Variants in NCK1 observed in about 807,000 individuals in gnomAD.
The protein encoded by NCK1 is SH2/SH3 adapter protein NCK1.
NCK1 carries 19 observed loss-of-function variants against 36.6 expected under a neutral mutation model. The observed-to-expected ratio is 0.52, with a 90% CI of 0.36 to 0.76. The LOEUF (loss-of-function observed/expected upper bound fraction) is 0.76. NCK1 is among the 30% of genes least tolerant of loss of function. The pLI is 0.00. For missense variants in NCK1, 358 were observed against 445.6 expected (o/e 0.80, Z 1.77); for synonymous variants, 165 against 156.0 (o/e 1.06, Z -0.43).
At position 136,949,987 on chromosome 3, in the gene NCK1, T is replaced by G. The variant is rs1368548150; in HGVS notation, c.*1534T>G. On this transcript the variant is annotated 3_prime_UTR_variant, in exon 4 of 4. Coordinates refer to ENST00000481752, the MANE Select transcript of NCK1 (RefSeq NM_001291999.2). ...GACAAATTTTCATCTCTATTACATC[T>G]GCTTTTAAAACATTTTAGTTCATAT... 6.6e-6 allele frequency among the ~76,000 whole-genome samples: 1 copy of G among 152,114 alleles called. No individual in the cohort carries two copies. Among genetic ancestry groups the G allele is most frequent in the Non-Finnish European group, 1.5e-5 (1 of 67,938 alleles).
chr3:136,891,482 A>G (rs1370364619), intron 1 of NCK1, among the ~76,000 whole-genome samples: 1 of 152,224 alleles, frequency 6.6e-6, no homozygotes, highest in Non-Finnish European at 1.5e-5. Context: ...GTTGTGAATA[A>G]TGCCAATATG....
chr3:136,904,664 C>G (rs780739461), intron 1 of NCK1, among the ~76,000 whole-genome samples: 2 of 152,142 alleles, frequency 1.3e-5, no homozygotes, highest in Non-Finnish European at 2.9e-5. Flanking sequence ...TGAGAGATCC[C>G]TGAACTTGGT....
At chr3:136,934,194 G>T (rs369810148) in intron 2 of NCK1, among the ~76,000 whole-genome samples, 53 of 145,906 alleles carry the variant, frequency 3.6e-4, no homozygotes, top group African/African-American at 1.1e-3. Flanking sequence ...GATACTGGAG[G>T]TTTTTTTTTT....
intron 1 of NCK1, among the ~76,000 whole-genome samples, chr3:136,865,434 GTACTTT>G (rs778189290): frequency 7.9e-5 from 12 of 152,020 alleles, no homozygotes; most frequent in South Asian, 2.1e-4. Flanking sequence ...TCATTGCTTT[GTACTTT>G]TACTTTGTCT....
At position 136,951,333 on chromosome 3, in the gene NCK1, G is replaced by C. The variant is rs903386363; in HGVS notation, c.*2880G>C. On this transcript the variant is annotated 3_prime_UTR_variant, in exon 4 of 4. Transcript: ENST00000481752. ...CTTGTTGCTGGGGTACCTTCTTCAG[G>C]GTACATCTAAACACAGTGGCCTTAT... is the stretch of plus-strand genomic sequence containing the variant. 6.6e-6 allele frequency among the ~76,000 whole-genome samples: 1 copy of C among 151,988 alleles called. No individual in the cohort carries two copies. Among genetic ancestry groups the C allele is most frequent in the Non-Finnish European group, 1.5e-5 (1 of 67,970 alleles).
At chr3:136,928,726 T>G (rs1940312886) in intron 2 of NCK1, 1 of 153,422 alleles carries the variant, frequency 6.5e-6, no homozygotes, top group South Asian at 2.0e-4. Flanking sequence ...CTTTTTCCCT[T>G]TATTTCTCCA....
intron 1 of NCK1, among the ~76,000 whole-genome samples, chr3:136,916,946 T>A (rs1368982058): frequency 1.3e-5 from 2 of 152,186 alleles, no homozygotes; most frequent in Non-Finnish European, 2.9e-5. Flanking sequence ...GGAAATTAAA[T>A]ATATTATAAG....
At chr3:136,928,430 TG>T in intron 2 of NCK1, 1 of 566,392 alleles carries the variant, frequency 1.8e-6, no homozygotes, top group East Asian at 2.9e-5. Context: ...TCTAGGCCCA[TG>T]CTCCAAGTCA....
At chr3:136,939,704 A>C (rs1373013310) in intron 2 of NCK1, among the ~76,000 whole-genome samples, 1 of 151,796 alleles carries the variant, frequency 6.6e-6, no homozygotes, top group Non-Finnish European at 1.5e-5. Flanking sequence ...TTGGTGACCT[A>C]TTGGTTTAAG....
intron 1 of NCK1, among the ~76,000 whole-genome samples, chr3:136,889,950 C>T (rs1015898261): frequency 1.1e-4 from 17 of 152,208 alleles, no homozygotes; most frequent in South Asian, 6.2e-4. Context: ...CAGTGGATCC[C>T]GCACAGGGGT....
At chr3:136,914,932 A>T (rs1438237811) in intron 1 of NCK1, among the ~76,000 whole-genome samples, 2 of 152,084 alleles carry the variant, frequency 1.3e-5, no homozygotes, top group African/African-American at 4.8e-5. Flanking sequence ...GCCAGTTGTT[A>T]AAAAGAGCCT....
At chr3:136,912,786 G>T (rs560124156) in intron 1 of NCK1, among the ~76,000 whole-genome samples, 19 of 152,072 alleles carry the variant, frequency 1.2e-4, no homozygotes, top group Non-Finnish European at 2.4e-4. Context: ...TTCCTGAGTA[G>T]CTGGAACTAC....
intron 1 of NCK1, chr3:136,900,023 G>A: frequency 1.6e-6 from 1 of 630,480 alleles, no homozygotes; most frequent in South Asian, 1.7e-5. Flanking sequence ...CACTGTCAGA[G>A]TCGCCAAACT....
At chr3:136,897,870 A>C (rs1453057021) in intron 1 of NCK1, among the ~76,000 whole-genome samples, 1 of 152,202 alleles carries the variant, frequency 6.6e-6, no homozygotes, top group Non-Finnish European at 1.5e-5. Context: ...ATAAATATAA[A>C]ATATTGATTA....
At chr3:136,899,096 G>A (rs878963262) in intron 1 of NCK1, 1 of 169,932 alleles carries the variant, frequency 5.9e-6, no homozygotes, top group African/African-American at 2.4e-5. Context: ...GGATGCAAAG[G>A]TTTAACTGGT....
rs192395053 is a variant in NCK1, at chr3:136,932,721, T to G, written c.226+4494T>G. Reference sequence around the variant, plus strand: ...GATCCTGGAAAGTCCCTTCTAACTCTAAAAGTCTTACATCCTGGTAAACAA... The same window carrying G: ...GATCCTGGAAAGTCCCTTCTAACTCGAAAAGTCTTACATCCTGGTAAACAA... On this transcript the variant is annotated intron_variant, in intron 2 of 3. Coordinates refer to ENST00000481752, the MANE Select transcript of NCK1 (RefSeq NM_001291999.2). 3.0e-4 allele frequency among the ~76,000 whole-genome samples: 46 copies of G among 152,326 alleles called. No individual in the cohort carries two copies. In the East Asian group the frequency reaches 8.9e-3, roughly 29 times the overall value.
At chr3:136,910,967 A>G (rs1359318097) in intron 1 of NCK1, among the ~76,000 whole-genome samples, 3 of 151,852 alleles carry the variant, frequency 2.0e-5, no homozygotes, top group Non-Finnish European at 2.9e-5. Flanking sequence ...TCTACTCTCT[A>G]CTTCTATGAG....
At chr3:136,943,758 CAAGT>C (rs1368073218) in intron 2 of NCK1, among the ~76,000 whole-genome samples, 15 of 152,016 alleles carry the variant, frequency 9.9e-5, no homozygotes, top group African/African-American at 3.6e-4. Context: ...GGAAGACAGA[CAAGT>C]AAACAAGTAC....
intron 1 of NCK1, among the ~76,000 whole-genome samples, chr3:136,866,925 C>G (rs1938430541): frequency 1.2e-5 from 1 of 81,804 alleles, no homozygotes; most frequent in Non-Finnish European, 2.7e-5. Flanking sequence ...TTTGCCTAGT[C>G]TTTAAAATTT....
Sources: allele counts gnomAD v4.1 joint callset (sites outside exome capture counted in the v4.1 genomes callset), GRCh38; gene constraint gnomAD v4.1.1; transcripts MANE v1.5; gene names NCBI Gene and HGNC (gene_info 2026-07-23, HGNC 2026-07-21).